Variants in FER1L6 observed in about 807,000 individuals in gnomAD.
FER1L6 encodes the protein fer-1-like protein 6.
In FER1L6, 177 loss-of-function variants were observed where a neutral mutation model predicts 219.2. The observed-to-expected ratio is 0.81, with a 90% CI of 0.71 to 0.91. FER1L6 has a LOEUF of 0.91. Among genes scored for constraint, FER1L6 ranks in the 40% least tolerant of loss-of-function variants. The pLI is 0.00. For missense variants in FER1L6, 2,153 were observed against 2,259.9 expected (o/e 0.95, Z 0.96); for synonymous variants, 768 against 824.3 (o/e 0.93, Z 1.17).
Position 124,069,370 on chromosome 8 carries a change from A to C in FER1L6, c.3729A>C (p.Pro1243=), listed in dbSNP as rs1461888508. Residue 1243 remains proline, a synonymous_variant, in exon 29 of 41, where the codon CCA becomes CCC. Coordinates refer to ENST00000522917, the MANE Select transcript of FER1L6 (RefSeq NM_001039112.2). The part of the protein sequence containing the change: ...KGKKGNTEAK[P]DEVVVDIEDG... ...GCTGAATATCCACAGAGGCAAAGCC[A>C]GATGAGGTAGTGGTAGATATAGAAG... 1.2e-6 allele frequency: 2 copies of C among 1,611,994 alleles called. No individual in the cohort carries two copies. Among genetic ancestry groups the C allele is most frequent in the Non-Finnish European group, 1.7e-6 (2 of 1,179,110 alleles).
At chr8:124,057,120 G>A (rs567402387) in intron 22 of FER1L6, among the ~76,000 whole-genome samples, 2 of 152,266 alleles carry the variant, frequency 1.3e-5, no homozygotes, top group South Asian at 4.2e-4. Flanking sequence ...ATCTCCTCAA[G>A]TCACCAACTT....
At chr8:124,020,475 C>T (rs34952365) in intron 16 of FER1L6, among the ~76,000 whole-genome samples, 28,090 of 152,178 alleles carry the variant, frequency 0.18, 3,280 homozygotes, top group East Asian at 0.42. Context: ...TTAGAAGTCA[C>T]TGTAAATATT....
intron 3 of FER1L6, 70 bp from the exon 4 acceptor site, chr8:123,965,937 G>C: frequency 7.7e-7 from 1 of 1,306,288 alleles, no homozygotes; most frequent in Non-Finnish European, 1.1e-6. Context: ...GAAATACTTT[G>C]GAGAATATTA....
At chr8:124,094,803 T>C (rs1822202657) in intron 34 of FER1L6, 93 bp from the exon 35 acceptor site, 11 of 1,393,110 alleles carry the variant, frequency 7.9e-6, no homozygotes, top group Non-Finnish European at 1.0e-5. Flanking sequence ...TACATTTAAA[T>C]AAGCCTGTAA....
At chr8:124,049,487 G>C in intron 21 of FER1L6, 120 bp from the exon 22 acceptor site, 1 of 1,157,242 alleles carries the variant, frequency 8.6e-7, no homozygotes, top group Middle Eastern at 3.0e-4. Flanking sequence ...GGAGAAAAGA[G>C]TGAGACATGG....
intron 1 of FER1L6, among the ~76,000 whole-genome samples, chr8:123,934,215 G>T (rs1166375308): frequency 1.3e-5 from 2 of 152,158 alleles, no homozygotes; most frequent in Non-Finnish European, 2.9e-5. Flanking sequence ...CGCCTCCAGG[G>T]TTAACTGTTG....
chr8:123,895,606 G>A (rs1563676531), intron 1 of FER1L6, among the ~76,000 whole-genome samples: 1 of 152,084 alleles, frequency 6.6e-6, no homozygotes, highest in Non-Finnish European at 1.5e-5. Flanking sequence ...GCATTATACT[G>A]CCTCTCAACA....
At chr8:123,862,622 G>A (rs1327381344) in intron 1 of FER1L6, among the ~76,000 whole-genome samples, 1 of 145,874 alleles carries the variant, frequency 6.9e-6, no homozygotes, top group Non-Finnish European at 1.5e-5. Context: ...ACTCTTTTTG[G>A]CTGGTAAACT....
At chr8:124,007,889 A>G (rs1234781530) in intron 13 of FER1L6, among the ~76,000 whole-genome samples, 1 of 152,014 alleles carries the variant, frequency 6.6e-6, no homozygotes, top group Non-Finnish European at 1.5e-5. Flanking sequence ...ATTTTTTTAC[A>G]TTTCTCTAGT....
chr8:123,863,784 C>A (rs1471514229), intron 1 of FER1L6, among the ~76,000 whole-genome samples: 1 of 148,974 alleles, frequency 6.7e-6, no homozygotes, highest in Non-Finnish European at 1.5e-5. Flanking sequence ...TCTGTTTTAT[C>A]AGAGACTAGG....
At chr8:123,902,794 GA>G (rs1455630645) in intron 1 of FER1L6, among the ~76,000 whole-genome samples, 1 of 152,148 alleles carries the variant, frequency 6.6e-6, no homozygotes, top group Non-Finnish European at 1.5e-5. Flanking sequence ...TGTTAGTATT[GA>G]AATGTGAGGT....
At chr8:124,046,077 A>AC in intron 21 of FER1L6, 176 bp downstream of exon 21, 1 of 604,620 alleles carries the variant, frequency 1.7e-6, no homozygotes, top group South Asian at 3.1e-5. Context: ...AAGATTGGTG[A>AC]TGATCATTTG....
chr8:123,951,172 G>A (rs1389031333), intron 1 of FER1L6, among the ~76,000 whole-genome samples: 5 of 152,148 alleles, frequency 3.3e-5, no homozygotes, highest in Non-Finnish European at 5.9e-5. Flanking sequence ...GTAAACCTGT[G>A]GCACATTAGA....
intron 14 of FER1L6, among the ~76,000 whole-genome samples, chr8:124,011,765 A>C (rs936040524): frequency 1.3e-5 from 2 of 151,926 alleles, no homozygotes; most frequent in Non-Finnish European, 2.9e-5. Flanking sequence ...GGTGATAGGC[A>C]TGAGCCATTG....
chr8:123,886,005 C>G (rs906112627), intron 1 of FER1L6, among the ~76,000 whole-genome samples: 7 of 152,248 alleles, frequency 4.6e-5, no homozygotes, highest in Admixed American at 3.3e-4. Context: ...TTACATACTT[C>G]TTCACATGAG....
rs1305951212 is a variant in FER1L6, at chr8:123,870,160, A to G, written c.-8+17975A>G. 2.6e-5 allele frequency among the ~76,000 whole-genome samples: 4 copies of G among 152,232 alleles called. No homozygotes were observed. In the East Asian group the frequency reaches 5.8e-4, roughly 22 times the overall value. On this transcript the variant is annotated intron_variant, in intron 1 of 40. Coordinates refer to ENST00000522917, the MANE Select transcript of FER1L6 (RefSeq NM_001039112.2). ...AAAAACCTAACAAAGCCAATTGCTG[A>G]TAGAGATGTGAAGCAGCAGAAATTC...
intron 39 of FER1L6, among the ~76,000 whole-genome samples, chr8:124,110,429 A>C (rs10107906): frequency 0.02 from 3,023 of 152,248 alleles, 105 homozygotes; most frequent in African/African-American, 0.069. Context: ...GCCATACTTC[A>C]TTTTCTGTCA....
At chr8:123,912,987 T>G (rs192509566) in intron 1 of FER1L6, among the ~76,000 whole-genome samples, 23 of 152,316 alleles carry the variant, frequency 1.5e-4, no homozygotes, top group Admixed American at 1.5e-3. Context: ...ACCAGGTGAA[T>G]GTGGTAACTG....
intron 1 of FER1L6, among the ~76,000 whole-genome samples, chr8:123,911,264 C>T (rs1813043080): frequency 6.6e-6 from 1 of 152,108 alleles, no homozygotes; most frequent in African/African-American, 2.4e-5. Context: ...TTGATATTCC[C>T]ATTTGATTCC....
Sources: gnomAD v4.1 joint callset for allele counts (sites outside exome capture counted in the v4.1 genomes callset) on GRCh38, gnomAD v4.1.1 for gene constraint, MANE v1.5 for transcripts, NCBI Gene and HGNC (gene_info 2026-07-23, HGNC 2026-07-21) for gene names.